The following TNIP1 variants were observed in gnomAD, a reference collection of about 807,000 sequenced individuals.
The protein encoded by TNIP1 is TNFAIP3 interacting protein 1.
Under a neutral mutation model 86.6 loss-of-function variants are expected in TNIP1, and 22 were observed. The ratio of observed to expected loss-of-function variants is 0.25; its 90% confidence interval spans 0.18 to 0.36. The LOEUF is 0.36. TNIP1 is among the 10% of genes least tolerant of loss of function. The pLI, the probability that TNIP1 is intolerant of heterozygous loss-of-function variation, is 1.00. For missense variants in TNIP1, 709 were observed against 820.6 expected (o/e 0.86, Z 1.66); for synonymous variants, 294 against 313.0 (o/e 0.94, Z 0.64).
chr5:151,080,500 ATGTACAC>A (rs1435801610), intron 1 of TNIP1: 1 of 151,212 alleles, frequency 6.6e-6, no homozygotes, highest in Non-Finnish European at 1.5e-5. Flanking sequence ...CTCGTGACAT[ATGTACAC>A]TGCTTCCACA....
At chr5:151,063,375 T>G (rs1385476227) in intron 3 of TNIP1, among the ~76,000 whole-genome samples, 2 of 152,220 alleles carry the variant, frequency 1.3e-5, no homozygotes. Context: ...ATTACTCATG[T>G]CTGCTGGGGC....
At chr5:151,063,982 A>C (rs1761921398) in intron 2 of TNIP1, among the ~76,000 whole-genome samples, 1 of 152,086 alleles carries the variant, frequency 6.6e-6, no homozygotes. Flanking sequence ...GAGCGGAAGG[A>C]ATCTATGAGA....
chr5:151,054,097 G>A (rs569644298), intron 6 of TNIP1, among the ~76,000 whole-genome samples: 1 of 152,348 alleles, frequency 6.6e-6, no homozygotes, highest in African/African-American at 2.4e-5. Context: ...ACTGGCCTAC[G>A]CACAATTCTC....
At chr5:151,046,666 A>T (rs1054901350) in intron 8 of TNIP1, among the ~76,000 whole-genome samples, 1 of 152,250 alleles carries the variant, frequency 6.6e-6, no homozygotes, top group Non-Finnish European at 1.5e-5. Context: ...GAAGTGCTCA[A>T]ATGAATAATA....
At chr5:151,075,185 C>T (rs1309633170) in intron 1 of TNIP1, among the ~76,000 whole-genome samples, 1 of 151,598 alleles carries the variant, frequency 6.6e-6, no homozygotes, top group African/African-American at 2.4e-5. Context: ...AAATTCAGAA[C>T]ACTTGTTTCT....
At chr5:151,048,539 T>G (rs914604510) in intron 8 of TNIP1, among the ~76,000 whole-genome samples, 1 of 152,134 alleles carries the variant, frequency 6.6e-6, no homozygotes, top group African/African-American at 2.4e-5. Context: ...AACACATGCC[T>G]CTAATGAGAC....
At chr5:151,072,117 G>A (rs1762883463) in intron 1 of TNIP1, among the ~76,000 whole-genome samples, 1 of 152,190 alleles carries the variant, frequency 6.6e-6, no homozygotes, top group African/African-American at 2.4e-5. Context: ...ATACACAGCT[G>A]GTTAGTGGTA....
At chr5:151,053,096 T>C (rs60646696) in intron 6 of TNIP1, among the ~76,000 whole-genome samples, 12,990 of 136,728 alleles carry the variant, frequency 0.095, 700 homozygotes, top group East Asian at 0.21. Context: ...AAGACAACTG[T>C]TTCTCTTTTT....
In TNIP1 at chr5:151,063,710, C is replaced by A. The variant is rs907382062; in HGVS notation, c.174G>T (p.Arg58Ser). The A allele has an allele frequency of 3.1e-6, 5 of 1,614,088 alleles. No individual in the cohort carries two copies. The highest frequency in any genetic ancestry group is 3.4e-6 in the Non-Finnish European group (4 of 1,180,000). ...CTAGCTCCTCTGCCTTCTGCCGGAG[C>A]CTGGTCGCTTCCATCTGGGACTCTT... ...LLEESQMEAT[R>S]LRQKAEELVK... Residue 58 changes from arginine to serine, a missense_variant, in exon 3 of 18, where the codon AGG (arginine) becomes AGT (serine). By Grantham distance (110) the Arg-to-Ser change is moderately radical. Coordinates refer to ENST00000521591, the MANE Select transcript of TNIP1 (RefSeq NM_006058.5).
chr5:151,030,965 G>A (rs1756809478), intron 17 of TNIP1, among the ~76,000 whole-genome samples: 1 of 152,114 alleles, frequency 6.6e-6, no homozygotes, highest in Non-Finnish European at 1.5e-5. Context: ...GAGGGAACTG[G>A]GACACTAAGA....
chr5:151,074,683 A>G (rs754812448), intron 1 of TNIP1, among the ~76,000 whole-genome samples: 11 of 152,242 alleles, frequency 7.2e-5, no homozygotes, highest in Admixed American at 1.3e-4. Context: ...AAAAGCTGAA[A>G]GCTACCTAAA....
At chr5:151,050,027 G>T in intron 7 of TNIP1, 80 bp from the exon 8 acceptor site, 1 of 1,588,196 alleles carries the variant, frequency 6.3e-7, no homozygotes, top group Non-Finnish European at 8.6e-7. Flanking sequence ...GCTCACTATC[G>T]CATGAGTTGC....
intron 6 of TNIP1, 65 bp downstream of exon 6, chr5:151,056,701 A>G (rs1760701956): frequency 1.4e-6 from 2 of 1,391,904 alleles, no homozygotes; most frequent in Non-Finnish European, 1.9e-6. Context: ...AGGAGCAGGA[A>G]GGTGGGAAGA....
chr5:151,040,767 C>A (rs575712210), intron 11 of TNIP1, among the ~76,000 whole-genome samples: 2 of 152,136 alleles, frequency 1.3e-5, no homozygotes, highest in African/African-American at 4.8e-5. Context: ...CCCATGCTGA[C>A]GGGAGGAACT....
At chr5:151,052,063 G>A in intron 7 of TNIP1, 102 bp downstream of exon 7, 1 of 961,982 alleles carries the variant, frequency 1.0e-6, no homozygotes, top group African/African-American at 1.6e-5. Flanking sequence ...TGGGCACAGG[G>A]CCTCAGAGCC....
chr5:151,082,974 A>T (rs1265194533), upstream of TNIP1, among the ~76,000 whole-genome samples: 2 of 151,748 alleles, frequency 1.3e-5, no homozygotes, highest in East Asian at 3.9e-4. Context: ...CTAGAAAAGG[A>T]CTTACTCTAG....
At chr5:151,085,216 T>C (rs533702258), upstream of TNIP1, among the ~76,000 whole-genome samples, 2 of 152,316 alleles carry the variant, frequency 1.3e-5, no homozygotes, top group Admixed American at 1.3e-4. Flanking sequence ...CACTTACAAC[T>C]CTGTGCCTTG....
upstream of TNIP1, among the ~76,000 whole-genome samples, chr5:151,081,959 G>C (rs1393595230): frequency 6.6e-6 from 1 of 152,146 alleles, no homozygotes; most frequent in Non-Finnish European, 1.5e-5. Flanking sequence ...TCTAACCTTG[G>C]AATAAAGAAC....
chr5:151,065,113 T>G lies in TNIP1; in HGVS notation c.-18A>C. On this transcript the variant is annotated 5_prime_UTR_variant, in exon 2 of 18. Transcript: ENST00000521591. Reference sequence around the variant, plus strand: ...CCTTCCATGAGGGTAGCTCAGCCCCTGCCGTGGTGCCCGCCTGGCTGTAAG... The same window carrying G: ...CCTTCCATGAGGGTAGCTCAGCCCCGGCCGTGGTGCCCGCCTGGCTGTAAG... The G allele has an allele frequency of 1.9e-6, 3 of 1,607,942 alleles. No individual in the cohort carries two copies. The South Asian group carries it at 3.3e-5, about 18-fold the overall frequency.
Sources: allele counts gnomAD v4.1 joint callset (sites outside exome capture counted in the v4.1 genomes callset), GRCh38; gene constraint gnomAD v4.1.1; transcripts MANE v1.5; gene names NCBI Gene and HGNC (gene_info 2026-07-23, HGNC 2026-07-21).